ITGBL1: variants seen among roughly 807,000 people sequenced by gnomAD.
The protein encoded by ITGBL1 is integrin beta-like protein 1.
ITGBL1 carries 51 observed loss-of-function variants against 68.5 expected under a neutral mutation model. That is an observed-to-expected ratio of 0.74 (90% CI 0.59 to 0.94). The LOEUF (loss-of-function observed/expected upper bound fraction) is 0.94, where lower values mean the gene tolerates loss of function less well. Among genes scored for constraint, ITGBL1 ranks in the 40% least tolerant of loss-of-function variants. The pLI is 0.00. For missense variants in ITGBL1, 649 were observed against 647.4 expected (o/e 1.00, Z -0.03); for synonymous variants, 209 against 227.3 (o/e 0.92, Z 0.72).
intron 2 of ITGBL1, among the ~76,000 whole-genome samples, chr13:101,526,504 TA>T (rs2049381509): frequency 6.6e-6 from 1 of 152,070 alleles, no homozygotes; most frequent in Admixed American, 6.6e-5. Context: ...TATGCAGCCA[TA>T]AAAAAGGATG....
chr13:101,452,729 G>C lies in ITGBL1; in HGVS notation c.-105G>C. 1 of 876,596 alleles carries C rather than the reference G, an allele frequency of 1.1e-6. No individual in the cohort carries two copies. The highest frequency in any genetic ancestry group is 1.4e-5 in the South Asian group (1 of 71,614). The allele number at this position is 876,596 out of a possible 1,614,324, so 54.3% of individuals were successfully genotyped here. On this transcript the variant is annotated 5_prime_UTR_variant, in exon 1 of 11. Transcript: ENST00000376180. ...TGCAAGCCTGGGTGTCCGTGGGTCCGTCTGCCCAGCCATCTGCTGGTGGCA... is the reference window on the plus strand; with the variant it reads ...TGCAAGCCTGGGTGTCCGTGGGTCCCTCTGCCCAGCCATCTGCTGGTGGCA...
At chr13:101,611,065 G>A (rs922063759) in intron 7 of ITGBL1, among the ~76,000 whole-genome samples, 2 of 152,128 alleles carry the variant, frequency 1.3e-5, no homozygotes, top group Non-Finnish European at 2.9e-5. Flanking sequence ...GAAAAAATAA[G>A]AAAATGGTGG....
Position 101,627,827 on chromosome 13 carries a change from A to G in ITGBL1, c.1015+29528A>G, listed in dbSNP as rs546206076. ...TAATACTGCCTTGTCTGAATGTACC[A>G]CTGTTTATTTAACCATTCACCTACT... On this transcript the variant is annotated intron_variant, in intron 7 of 10. Coordinates refer to ENST00000376180, the MANE Select transcript of ITGBL1 (RefSeq NM_004791.3). 2.2e-4 allele frequency among the ~76,000 whole-genome samples: 33 copies of G among 152,256 alleles called. No individual in the cohort carries two copies. In the East Asian group the frequency reaches 5.6e-3, roughly 26 times the overall value.
At chr13:101,621,365 T>A (rs908571888) in intron 7 of ITGBL1, among the ~76,000 whole-genome samples, 1 of 152,160 alleles carries the variant, frequency 6.6e-6, no homozygotes, top group East Asian at 1.9e-4. Flanking sequence ...TTATTTGTCA[T>A]ACAGAGTGTT....
At chr13:101,659,039 A>ATTTTTTTTTTTTTTTTTTTTTTT (rs55935871) in intron 7 of ITGBL1, among the ~76,000 whole-genome samples, 1 of 103,842 alleles carries the variant, frequency 9.6e-6, no homozygotes, top group Non-Finnish European at 1.8e-5. Context: ...TGGTGATTGA[A>ATTTTTTTTTTTTTTTTTTTTTTT]TTTTTTTTTT....
chr13:101,517,191 A>G lies in ITGBL1; in HGVS notation c.317-50508A>G, dbSNP rs532166735. ...TTGCATTTCAGGCAAGAGACCAAAA[A>G]ACTGAATTCCCAACACAGAGAGACA... On this transcript the variant is annotated intron_variant, in intron 2 of 10. Transcript: ENST00000376180. Among the ~76,000 whole-genome samples the G allele has an allele frequency of 2.0e-5, 3 of 152,202 alleles. No individual in the cohort carries two copies. In the South Asian group the frequency reaches 6.2e-4, roughly 32 times the overall value.
chr13:101,538,941 G>T (rs558952793), intron 2 of ITGBL1, among the ~76,000 whole-genome samples: 1 of 151,654 alleles, frequency 6.6e-6, no homozygotes, highest in African/African-American at 2.4e-5. Flanking sequence ...GATATATAAA[G>T]AGGTTAAATA....
rs150532305 is a variant in ITGBL1 at position 101,454,087 on chromosome 13, G to C, written c.303G>C (p.Gly101=). The part of the protein sequence containing the change: ...CHEWVCETYD[G]STCAGHGKCD... ...AGTGGGTGTGCGAGACCTACGACGG[G>C]AGCACCTGTGCAGGTAAGAGGGCGG... The change falls in exon 2 of 11, where the codon GGG becomes GGC. Residue 101 remains glycine, a synonymous_variant. Transcript: ENST00000376180. 368 of 1,573,124 alleles carry C rather than the reference G, an allele frequency of 2.3e-4. 1 individual carries two copies. In the African/African-American group the frequency reaches 4.6e-3, roughly 20 times the overall value.
At chr13:101,530,752 A>T (rs115222379) in intron 2 of ITGBL1, among the ~76,000 whole-genome samples, 61 of 152,324 alleles carry the variant, frequency 4.0e-4, no homozygotes, top group African/African-American at 1.3e-3. Context: ...AATTTTATCT[A>T]ATCTAATACA....
At chr13:101,714,911 CAG>C (rs2034644288) in intron 10 of ITGBL1, 1 of 220,356 alleles carries the variant, frequency 4.5e-6, no homozygotes, top group African/African-American at 2.3e-5. Flanking sequence ...TTCTTTTAAA[CAG>C]AATCTGGGTA....
intron 2 of ITGBL1, among the ~76,000 whole-genome samples, chr13:101,556,989 A>T (rs2050017532): frequency 1.3e-5 from 2 of 152,192 alleles, no homozygotes; most frequent in South Asian, 4.1e-4. Flanking sequence ...CAAGTCATAC[A>T]AGCAGAATTT....
At chr13:101,675,401 A>G (rs544119390) in intron 7 of ITGBL1, among the ~76,000 whole-genome samples, 137 of 152,284 alleles carry the variant, frequency 9.0e-4, no homozygotes, top group African/African-American at 3.1e-3. Context: ...AAACGACAGA[A>G]TTTTAATTCT....
intron 7 of ITGBL1, among the ~76,000 whole-genome samples, chr13:101,622,943 G>GTGTGTGTT (rs1445086726): frequency 6.6e-5 from 10 of 151,358 alleles, no homozygotes; most frequent in African/African-American, 2.4e-4. Context: ...GTGTGTGTGT[G>GTGTGTGTT]TTTTCCTGTA....
rs185985151 is a variant in ITGBL1, at chr13:101,505,970, T to G, written c.316+51870T>G. On this transcript the variant is annotated intron_variant, in intron 2 of 10. Coordinates refer to ENST00000376180, the MANE Select transcript of ITGBL1 (RefSeq NM_004791.3). ...AGCACCAGCATCTGAGCTCCCTTTTTTGGCTGCATGTCGGCCCTGGGATGA... is the reference window on the plus strand; with the variant it reads ...AGCACCAGCATCTGAGCTCCCTTTTGTGGCTGCATGTCGGCCCTGGGATGA... Among the ~76,000 whole-genome samples the G allele has an allele frequency of 4.1e-3, 620 of 152,298 alleles. 2 individuals carry two copies. Among genetic ancestry groups the G allele is most frequent in the Middle Eastern group, 0.024 (7 of 294 alleles).
chr13:101,719,020 T>G (rs902726584), downstream of ITGBL1: 8 of 152,124 alleles, frequency 5.3e-5, no homozygotes, highest in Non-Finnish European at 1.2e-4. Flanking sequence ...TCCCTTGATA[T>G]AGCCTTGTTC....
At chr13:101,545,894 A>G (rs1195589825) in intron 2 of ITGBL1, among the ~76,000 whole-genome samples, 2 of 152,210 alleles carry the variant, frequency 1.3e-5, no homozygotes, top group Non-Finnish European at 2.9e-5. Context: ...TTATAATTAC[A>G]TTCCTAGTAT....
intron 8 of ITGBL1, 30 bp downstream of exon 8, chr13:101,692,731 C>T: frequency 7.3e-7 from 1 of 1,368,090 alleles, no homozygotes; most frequent in Non-Finnish European, 1.0e-6. Context: ...CTGTATGCTA[C>T]CTGCATGCAA....
chr13:101,515,000 T>C (rs1566710510), intron 2 of ITGBL1, among the ~76,000 whole-genome samples: 1 of 152,102 alleles, frequency 6.6e-6, no homozygotes, highest in Non-Finnish European at 1.5e-5. Flanking sequence ...ATTATAGGAA[T>C]TTATGATATA....
chr13:101,605,492 A>G lies in ITGBL1; in HGVS notation c.1015+7193A>G, dbSNP rs1449636502. 5.3e-5 allele frequency among the ~76,000 whole-genome samples: 5 copies of G among 94,000 alleles called. 1 individual carries two copies. Among genetic ancestry groups the G allele is most frequent in the Admixed American group, 1.2e-4 (1 of 8,666 alleles). 61.7% of individuals were successfully genotyped at this position (94,000 alleles called of 152,430 possible). A position where few individuals can be genotyped will look rare whatever the true frequency, so the allele number is the denominator to read the frequency against. ...TGTATATGCGTATATATACACATAT[A>G]TAGACATGTATATGCGTATACACAT... On this transcript the variant is annotated intron_variant, in intron 7 of 10. Coordinates refer to ENST00000376180, the MANE Select transcript of ITGBL1 (RefSeq NM_004791.3).
Sources: gnomAD v4.1 joint callset for allele counts (sites outside exome capture counted in the v4.1 genomes callset) on GRCh38, gnomAD v4.1.1 for gene constraint, MANE v1.5 for transcripts, NCBI Gene and HGNC (gene_info 2026-07-23, HGNC 2026-07-21) for gene names.